PTPN20: variants seen among roughly 807,000 people sequenced by gnomAD.
The protein encoded by PTPN20 is protein tyrosine phosphatase non-receptor type 20, also known as tyrosine-protein phosphatase non-receptor type 20.
In PTPN20, 9 loss-of-function variants were observed where a neutral mutation model predicts 35.0. The observed-to-expected ratio is 0.26, with a 90% CI of 0.15 to 0.45. PTPN20 has a LOEUF of 0.45. PTPN20 is among the 20% of genes least tolerant of loss of function. The pLI, the probability that PTPN20 is intolerant of heterozygous loss-of-function variation, is 1.00. For synonymous variants in PTPN20, 32 were observed against 100.2 expected (o/e 0.32, Z 4.06); for missense variants, 111 against 312.5 (o/e 0.36, Z 4.86).
At chr10:46,967,578 TTTG>T (rs1472960745) in intron 6 of PTPN20, among the ~76,000 whole-genome samples, 8 of 150,488 alleles carry the variant, frequency 5.3e-5, no homozygotes, top group East Asian at 2.0e-4. Context: ...TTTATATGTT[TTTG>T]TTGTTGTTAT....
intron 2 of PTPN20, among the ~76,000 whole-genome samples, chr10:46,936,037 A>G (rs1254626534): frequency 1.3e-5 from 2 of 151,968 alleles, no homozygotes; most frequent in African/African-American, 4.8e-5. Flanking sequence ...TTTCATTTGC[A>G]TTTCTCTGAT....
intron 9 of PTPN20, among the ~76,000 whole-genome samples, chr10:46,995,333 CTTTTTT>C (rs878968027): frequency 2.3e-5 from 2 of 85,684 alleles, no homozygotes; most frequent in Middle Eastern, 0.013. Context: ...TTTTTTTTTT[CTTTTTT>C]TTTTTTTTTT....
intron 1 of PTPN20, among the ~76,000 whole-genome samples, chr10:46,930,307 G>T (rs1163556553): frequency 8.1e-6 from 1 of 124,112 alleles, no homozygotes; most frequent in Admixed American, 7.5e-5. Flanking sequence ...GCAAGATATA[G>T]CATGTTTAAA....
At chr10:46,992,121 A>ATTT (rs1180103188) in intron 9 of PTPN20, among the ~76,000 whole-genome samples, 6 of 130,690 alleles carry the variant, frequency 4.6e-5, no homozygotes, top group Admixed American at 7.7e-5. Flanking sequence ...TTCATTTTCA[A>ATTT]TTTTTTTTTT....
intron 1 of PTPN20, among the ~76,000 whole-genome samples, chr10:46,923,371 A>T (rs2036025917): frequency 6.8e-6 from 1 of 146,318 alleles, no homozygotes; most frequent in African/African-American, 2.7e-5. Flanking sequence ...TAGAAGTTTG[A>T]GAGTTTTTGT....
At chr10:46,922,654 C>G (rs1289434368) in intron 1 of PTPN20, among the ~76,000 whole-genome samples, 1 of 136,438 alleles carries the variant, frequency 7.3e-6, no homozygotes, top group Non-Finnish European at 1.5e-5. Flanking sequence ...AACATACTCC[C>G]GAAACAGGAC....
chr10:46,986,383 G>T (rs1350245472), intron 8 of PTPN20, among the ~76,000 whole-genome samples: 1 of 148,486 alleles, frequency 6.7e-6, no homozygotes, highest in Non-Finnish European at 1.5e-5. Context: ...GATTAGAATA[G>T]AGCTCTGAGC....
At chr10:46,976,482 A>AT (rs1196692129) in intron 7 of PTPN20, among the ~76,000 whole-genome samples, 7 of 43,798 alleles carry the variant, frequency 1.6e-4, no homozygotes, top group South Asian at 6.7e-4. Context: ...TTTTTTTCTC[A>AT]TTTTTTTTCC....
intron 2 of PTPN20, among the ~76,000 whole-genome samples, chr10:46,939,068 G>C (rs2042626493): frequency 6.6e-6 from 1 of 151,060 alleles, no homozygotes; most frequent in Non-Finnish European, 1.5e-5. Flanking sequence ...TCTAGCACTT[G>C]AAGCTCCTTC....
In PTPN20 at chr10:47,000,903, A is replaced by G; in HGVS notation, c.*162A>G. ...TAAAAGCTCCCTGAAGGGCAATATC[A>G]TTTGGCTTGGGGTGATCAGTGTTTA... On this transcript the variant is annotated 3_prime_UTR_variant, in exon 11 of 11. Coordinates refer to ENST00000374339, the MANE Select transcript of PTPN20 (RefSeq NM_001042357.5). The G allele has an allele frequency of 1.2e-6, 1 of 854,340 alleles. No homozygotes were observed. Among genetic ancestry groups the G allele is most frequent in the East Asian group, 2.6e-5 (1 of 38,986 alleles). The allele number at this position is 854,340 out of a possible 1,614,324, so 52.9% of individuals were successfully genotyped here.
At chr10:46,983,719 A>G (rs1481566064) in intron 7 of PTPN20, among the ~76,000 whole-genome samples, 1 of 137,962 alleles carries the variant, frequency 7.2e-6, no homozygotes, top group Non-Finnish European at 1.5e-5. Context: ...ATGGCTGTCT[A>G]GTTTGGGGAC....
At chr10:46,939,905 G>T (rs2042911156) in intron 2 of PTPN20, among the ~76,000 whole-genome samples, 1 of 151,904 alleles carries the variant, frequency 6.6e-6, no homozygotes, top group Non-Finnish European at 1.5e-5. Flanking sequence ...CATAGTACTT[G>T]TTTACTATAT....
intron 9 of PTPN20, among the ~76,000 whole-genome samples, chr10:46,996,447 A>G (rs2059119142): frequency 6.6e-6 from 1 of 152,244 alleles, no homozygotes; most frequent in African/African-American, 2.4e-5. Context: ...ATCTTAAATT[A>G]TAATTAAAAA....
intron 1 of PTPN20, chr10:46,926,119 G>A (rs2037294934): frequency 1.0e-6 from 1 of 985,160 alleles, no homozygotes; most frequent in South Asian, 4.7e-5. Flanking sequence ...AGGAAAGTAT[G>A]AGTCTCAGGT....
At chr10:46,920,345 A>G (rs2034652097) in intron 1 of PTPN20, among the ~76,000 whole-genome samples, 1 of 93,430 alleles carries the variant, frequency 1.1e-5, no homozygotes. Context: ...AGAATGAGGC[A>G]GGCATATCTA....
At chr10:46,997,128 GTC>G (rs1363846163) in intron 9 of PTPN20, among the ~76,000 whole-genome samples, 1 of 152,008 alleles carries the variant, frequency 6.6e-6, no homozygotes, top group Non-Finnish European at 1.5e-5. Context: ...ATTTATTTAG[GTC>G]TTTTTTGAAT....
intron 7 of PTPN20, among the ~76,000 whole-genome samples, chr10:46,983,832 C>A (rs1555172250): frequency 1.4e-5 from 2 of 143,998 alleles, no homozygotes; most frequent in African/African-American, 2.8e-5. Flanking sequence ...TTCAGATTTG[C>A]AGGATAATAT....
chr10:47,000,099 G>A, intron 10 of PTPN20, 125 bp downstream of exon 10: 1 of 1,427,894 alleles, frequency 7.0e-7, no homozygotes, highest in Non-Finnish European at 9.9e-7. Flanking sequence ...GTTTGAGGTA[G>A]ACATTAGTTT....
intron 5 of PTPN20, among the ~76,000 whole-genome samples, chr10:46,949,382 TTCTTTCCCATTTGTATAGTGCCTGGTATC>T (rs2045991543): frequency 1.3e-5 from 2 of 152,224 alleles, no homozygotes; most frequent in Admixed American, 1.3e-4. Flanking sequence ...GTCTGAATAC[TTCTTTCCCATTTGTATAGTGCCTGGTATC>T]TCTTTCTCCC....
Sources: allele counts gnomAD v4.1 joint callset (sites outside exome capture counted in the v4.1 genomes callset), GRCh38; gene constraint gnomAD v4.1.1; transcripts MANE v1.5; gene names NCBI Gene and HGNC (gene_info 2026-07-23, HGNC 2026-07-21).